The following PTBP3 variants were observed in gnomAD, a reference collection of about 807,000 sequenced individuals.
The protein encoded by PTBP3 is polypyrimidine tract-binding protein 3.
Under a neutral mutation model 58.7 loss-of-function variants are expected in PTBP3, and 20 were observed. The observed-to-expected ratio is 0.34, with a 90% CI of 0.24 to 0.50. The LOEUF (loss-of-function observed/expected upper bound fraction) is 0.50. Among genes scored for constraint, PTBP3 ranks in the 20% least tolerant of loss-of-function variants. PTBP3 has a pLI of 0.98. For synonymous variants in PTBP3, 185 were observed against 219.8 expected (o/e 0.84, Z 1.40); for missense variants, 509 against 637.2 (o/e 0.80, Z 2.17).
At chr9:112,336,510 G>A (rs1009666094), upstream of PTBP3, among the ~76,000 whole-genome samples, 8 of 64,252 alleles carry the variant, frequency 1.2e-4, no homozygotes, top group African/African-American at 6.6e-4. Flanking sequence ...GCTGGGCATG[G>A]TGGCTCACAC....
In PTBP3 at chr9:112,279,961, AACTG is replaced by A. The variant is rs1827785842; in HGVS notation, c.35-3952_35-3949del. 5.3e-5 allele frequency among the ~76,000 whole-genome samples: 8 copies of A among 152,346 alleles called. 3 individuals are homozygous for A. ...AATAATTGATAATATACAGAAATAC[AACTG>A]ACTTTGATATCTTGATCTTATATCC... On this transcript the variant is annotated intron_variant, in intron 2 of 13. Coordinates refer to ENST00000374257, the MANE Select transcript of PTBP3 (RefSeq NM_001163788.4).
rs1303240278 is a variant in PTBP3, at chr9:112,219,728, A to G, written c.*4123T>C. 6.5e-6 allele frequency: 1 copy of G among 152,830 alleles called. No individual in the cohort carries two copies. Among genetic ancestry groups the G allele is most frequent in the Non-Finnish European group, 1.5e-5 (1 of 68,170 alleles). 9.5% of individuals were successfully genotyped at this position (152,830 alleles called of 1,614,324 possible). ...ATATTTCCTGAAAACCAGAATACTG[A>G]TACTACTTTAGTCTCAAATAGGAAG... On this transcript the variant is annotated 3_prime_UTR_variant, in exon 14 of 14. Transcript: ENST00000374257.
intron 2 of PTBP3, among the ~76,000 whole-genome samples, chr9:112,287,633 G>A (rs983508793): frequency 6.6e-6 from 1 of 152,072 alleles, no homozygotes; most frequent in African/African-American, 2.4e-5. Context: ...GAGCCACCAC[G>A]CCCAGCCTTC....
At chr9:112,278,916 T>C (rs1827736975) in intron 2 of PTBP3, among the ~76,000 whole-genome samples, 1 of 152,224 alleles carries the variant, frequency 6.6e-6, no homozygotes, top group African/African-American at 2.4e-5. Flanking sequence ...ACTGTTTTGC[T>C]TGGAAATTAT....
chr9:112,364,424 C>T, the PTBP3 span, among the ~76,000 whole-genome samples: 2 of 151,982 alleles, frequency 1.3e-5, no homozygotes, highest in Non-Finnish European at 2.9e-5. Context: ...TTTGGGAAAC[C>T]GAGGTGTGTG....
At chr9:112,253,379 G>C (rs985558254) in intron 5 of PTBP3, among the ~76,000 whole-genome samples, 1 of 152,134 alleles carries the variant, frequency 6.6e-6, no homozygotes, top group African/African-American at 2.4e-5. Context: ...GTGCAAGAGT[G>C]GTGGCCAAAG....
chr9:112,321,513 A>T (rs1311841600), intron 1 of PTBP3, among the ~76,000 whole-genome samples: 6 of 132,234 alleles, frequency 4.5e-5, no homozygotes, highest in African/African-American at 1.8e-4. Flanking sequence ...TGGGCAACAG[A>T]GTGAGACGTA....
At position 112,237,484 on chromosome 9, in the gene PTBP3, AT is replaced by A. The variant is rs1479150140; in HGVS notation, c.803-2588del. Among the ~76,000 whole-genome samples the A allele has an allele frequency of 5.9e-5, 9 of 152,360 alleles. No individual in the cohort carries two copies. In the East Asian group the frequency reaches 1.5e-3, roughly 26 times the overall value. ...CATGAAATCAGTTTATCACAGTGTT[AT>A]TTGAAATAGCAAAATCCTAAAGAAA... On this transcript the variant is annotated intron_variant, in intron 7 of 13. Coordinates refer to ENST00000374257, the MANE Select transcript of PTBP3 (RefSeq NM_001163788.4).
chr9:112,326,386 A>T (rs1411062031), intron 1 of PTBP3, among the ~76,000 whole-genome samples: 1 of 152,228 alleles, frequency 6.6e-6, no homozygotes, highest in Non-Finnish European at 1.5e-5. Context: ...GTGTGAAAGG[A>T]GCTACGGACA....
the PTBP3 span, among the ~76,000 whole-genome samples, chr9:112,364,342 T>G: frequency 1.3e-5 from 2 of 152,070 alleles, no homozygotes; most frequent in African/African-American, 4.8e-5. Flanking sequence ...CATACTAACC[T>G]TTTATAAGTA....
chr9:112,285,070 A>C (rs970586212), intron 2 of PTBP3, among the ~76,000 whole-genome samples: 7 of 151,856 alleles, frequency 4.6e-5, no homozygotes, highest in Non-Finnish European at 8.8e-5. Flanking sequence ...ATATGGTTTC[A>C]CTCTGTGTTT....
intron 1 of PTBP3, chr9:112,333,049 G>C: frequency 7.1e-6 from 9 of 1,266,540 alleles, no homozygotes; most frequent in Non-Finnish European, 7.9e-6. Flanking sequence ...CAACTCCCCC[G>C]GCAGGAGGAC....
chr9:112,378,490 CA>C, the PTBP3 span, among the ~76,000 whole-genome samples: 1 of 152,122 alleles, frequency 6.6e-6, no homozygotes, highest in Non-Finnish European at 1.5e-5. Flanking sequence ...TTGTGGCTTT[CA>C]AAAAGGAGAG....
chr9:112,360,456 G>A, the PTBP3 span, among the ~76,000 whole-genome samples: 23 of 152,232 alleles, frequency 1.5e-4, no homozygotes, highest in African/African-American at 5.3e-4. Context: ...AAAGTGTTAC[G>A]ATTACAGGCA....
At chr9:112,293,335 G>A (rs1466748027) in intron 2 of PTBP3, among the ~76,000 whole-genome samples, 3 of 152,150 alleles carry the variant, frequency 2.0e-5, no homozygotes, top group Admixed American at 1.3e-4. Context: ...ATAATGTTAT[G>A]GTAACAGTAA....
chr9:112,284,148 A>G (rs1349423905), intron 2 of PTBP3, among the ~76,000 whole-genome samples: 1 of 152,170 alleles, frequency 6.6e-6, no homozygotes, highest in Non-Finnish European at 1.5e-5. Context: ...GAGGCACTGC[A>G]CCTAGTGGAG....
At chr9:112,303,983 A>G (rs1423858472) in intron 1 of PTBP3, among the ~76,000 whole-genome samples, 1 of 152,082 alleles carries the variant, frequency 6.6e-6, no homozygotes, top group African/African-American at 2.4e-5. Context: ...CCTGGCCAAC[A>G]CAGTGAAACC....
At chr9:112,301,987 A>C (rs1413810401) in intron 1 of PTBP3, among the ~76,000 whole-genome samples, 1 of 152,198 alleles carries the variant, frequency 6.6e-6, no homozygotes, top group Non-Finnish European at 1.5e-5. Flanking sequence ...CTTCACTAAC[A>C]GTCATCACTA....
upstream of PTBP3, among the ~76,000 whole-genome samples, chr9:112,335,343 T>C (rs1432788972): frequency 6.6e-6 from 1 of 152,040 alleles, no homozygotes; most frequent in African/African-American, 2.4e-5. Flanking sequence ...TGGAGTGCAG[T>C]GGCACAATCT....
Sources: allele counts gnomAD v4.1 joint callset (sites outside exome capture counted in the v4.1 genomes callset), GRCh38; gene constraint gnomAD v4.1.1; transcripts MANE v1.5; gene names NCBI Gene and HGNC (gene_info 2026-07-23, HGNC 2026-07-21).